The following SORCS2 variants were observed in gnomAD, a reference collection of about 807,000 sequenced individuals.
SORCS2 encodes the protein VPS10 domain-containing receptor SorCS2.
In SORCS2, 100 loss-of-function variants were observed where a neutral mutation model predicts 141.6. The observed-to-expected ratio is 0.71, with a 90% CI of 0.60 to 0.83. SORCS2 has a LOEUF of 0.83. Ranked by LOEUF, SORCS2 falls within the 40% of genes least tolerant of loss-of-function variation. The pLI is 0.00. For missense variants in SORCS2, 1,646 were observed against 1,560.2 expected (o/e 1.05, Z -0.93); for synonymous variants, 789 against 676.9 (o/e 1.17, Z -2.57).
At chr4:7,269,105 A>C (rs1212160699) in intron 1 of SORCS2, among the ~76,000 whole-genome samples, 1 of 152,048 alleles carries the variant, frequency 6.6e-6, no homozygotes, top group Non-Finnish European at 1.5e-5. Flanking sequence ...TCAGCGTTGC[A>C]GGGCGTCACC....
chr4:7,332,397 T>G (rs937366169), intron 1 of SORCS2, among the ~76,000 whole-genome samples: 1 of 152,132 alleles, frequency 6.6e-6, no homozygotes, highest in Non-Finnish European at 1.5e-5. Context: ...GTTCTCCAGA[T>G]AGGAATGTGG....
chr4:7,405,542 T>C (rs548248363), intron 2 of SORCS2, among the ~76,000 whole-genome samples: 1 of 152,280 alleles, frequency 6.6e-6, no homozygotes, highest in East Asian at 1.9e-4. Flanking sequence ...TTTGTAGTTT[T>C]CCTTGTAGAG....
chr4:7,556,910 T>C (rs1310844900), intron 3 of SORCS2, among the ~76,000 whole-genome samples: 4 of 144,452 alleles, frequency 2.8e-5, no homozygotes, highest in Non-Finnish European at 6.1e-5. Context: ...CATCCATCCA[T>C]CCATCCACCC....
chr4:7,458,017 C>T (rs4689123), intron 2 of SORCS2, among the ~76,000 whole-genome samples: 148,987 of 152,262 alleles, frequency 0.98, 72,961 homozygotes, highest in East Asian at 1. Flanking sequence ...CTGGGATGTC[C>T]TGGTTACCCC....
At chr4:7,213,273 A>G (rs1160543843) in intron 1 of SORCS2, among the ~76,000 whole-genome samples, 1 of 149,228 alleles carries the variant, frequency 6.7e-6, no homozygotes, top group Admixed American at 6.6e-5. Flanking sequence ...CACTGTGCCC[A>G]TGGAGCCACT....
At chr4:7,674,068 G>A (rs1322908123) in intron 8 of SORCS2, among the ~76,000 whole-genome samples, 1 of 152,122 alleles carries the variant, frequency 6.6e-6, no homozygotes, top group Non-Finnish European at 1.5e-5. Flanking sequence ...GCTGCCTCCG[G>A]GCACTTCACA....
intron 2 of SORCS2, among the ~76,000 whole-genome samples, chr4:7,417,793 A>G (rs1187857900): frequency 6.6e-6 from 1 of 152,156 alleles, no homozygotes; most frequent in Admixed American, 6.5e-5. Flanking sequence ...TTTCAATTCA[A>G]TGGGGAGTGA....
intron 2 of SORCS2, among the ~76,000 whole-genome samples, chr4:7,525,511 C>G (rs986945044): frequency 1.3e-5 from 2 of 152,040 alleles, no homozygotes; most frequent in African/African-American, 4.8e-5. Flanking sequence ...TCCACCTTCC[C>G]CCAAGCAGCA....
At chr4:7,507,066 C>T (rs1193789096) in intron 2 of SORCS2, among the ~76,000 whole-genome samples, 1 of 152,212 alleles carries the variant, frequency 6.6e-6, no homozygotes, top group African/African-American at 2.4e-5. Context: ...AGTTGTGTTT[C>T]TGAGCATTTA....
chr4:7,479,138 G>A (rs7675827), intron 2 of SORCS2, among the ~76,000 whole-genome samples: 18,241 of 151,816 alleles, frequency 0.12, 1,494 homozygotes, highest in African/African-American at 0.24. Flanking sequence ...GGGCAGAGTC[G>A]GGAGGAGCCA....
intron 3 of SORCS2, among the ~76,000 whole-genome samples, chr4:7,579,724 G>T (rs1716019031): frequency 6.6e-6 from 1 of 152,202 alleles, no homozygotes. Flanking sequence ...TCAGTGTGCA[G>T]AGGTGGATGA....
chr4:7,319,116 T>C (rs1163816875), intron 1 of SORCS2, among the ~76,000 whole-genome samples: 1 of 150,954 alleles, frequency 6.6e-6, no homozygotes, highest in Non-Finnish European at 1.5e-5. Flanking sequence ...TAAACCACAG[T>C]TTGTATTTTC....
At chr4:7,620,302 A>G (rs1475681998) in intron 3 of SORCS2, among the ~76,000 whole-genome samples, 4 of 152,210 alleles carry the variant, frequency 2.6e-5, no homozygotes, top group African/African-American at 9.6e-5. Flanking sequence ...TTGCTGTGTT[A>G]CGTGGATGTG....
intron 1 of SORCS2, among the ~76,000 whole-genome samples, chr4:7,323,714 G>C (rs1719052894): frequency 6.6e-6 from 1 of 152,000 alleles, no homozygotes; most frequent in Non-Finnish European, 1.5e-5. Context: ...GTCCCTCCTG[G>C]GGTCAGGTCC....
intron 1 of SORCS2, among the ~76,000 whole-genome samples, chr4:7,378,824 C>G (rs551616704): frequency 1.3e-5 from 2 of 152,166 alleles, no homozygotes; most frequent in African/African-American, 4.8e-5. Context: ...CAAGTCTGCC[C>G]GCATCAGGTC....
Position 7,192,734 on chromosome 4 carries a change from T to C in SORCS2, c.88T>C (p.Ser30Pro), listed in dbSNP as rs1315059531. ...PSPGAPPPPR[S>P]PRSRPLLLLL... ...CCCCGGGGCTCCGCCGCCGCCGCGC[T>C]CGCCGCGCTCGCGGCCGCTCCTGCT... Residue 30 changes from serine (S) to proline (P), a missense_variant, in exon 1 of 27, where the codon TCG becomes CCG. By Grantham distance (74) the Ser-to-Pro change is moderately conservative. Coordinates refer to ENST00000507866, the MANE Select transcript of SORCS2 (RefSeq NM_020777.3). This position sits in a 1 kb window ranked among gnomAD's most constrained non-coding sequence, Gnocchi z 4.0. 4.0e-6 allele frequency: 4 copies of C among 991,382 alleles called. No individual in the cohort carries two copies. In the South Asian group the frequency reaches 1.8e-4, roughly 45 times the overall value. The allele number at this position is 991,382 out of a possible 1,614,324, so 61.4% of individuals were successfully genotyped here. A position where few individuals can be genotyped will look rare whatever the true frequency, so the allele number is the denominator to read the frequency against.
At chr4:7,496,450 CGTT>C (rs1731627507) in intron 2 of SORCS2, among the ~76,000 whole-genome samples, 109 of 95,744 alleles carry the variant, frequency 1.1e-3, no homozygotes, top group African/African-American at 2.9e-3. Context: ...ACTCCCCACC[CGTT>C]CCCCGTCCCC....
At chr4:7,495,486 C>T (rs1175054522) in intron 2 of SORCS2, among the ~76,000 whole-genome samples, 1 of 152,226 alleles carries the variant, frequency 6.6e-6, no homozygotes, top group African/African-American at 2.4e-5. Context: ...GAACAGAGCT[C>T]CTTCCACAGA....
At chr4:7,443,462 C>G (rs552697795) in intron 2 of SORCS2, among the ~76,000 whole-genome samples, 3 of 152,328 alleles carry the variant, frequency 2.0e-5, no homozygotes, top group African/African-American at 7.2e-5. Context: ...ATCACACAGG[C>G]CTGAGACGCA....
Sources: gnomAD v4.1 joint callset for allele counts (sites outside exome capture counted in the v4.1 genomes callset) on GRCh38, gnomAD v4.1.1 for gene constraint, Gnocchi (gnomAD v3.1) non-coding constraint, MANE v1.5 for transcripts, NCBI Gene and HGNC (gene_info 2026-07-23, HGNC 2026-07-21) for gene names.